KANSL1L: variants seen among roughly 807,000 people sequenced by gnomAD.
KANSL1L encodes the protein KAT8 regulatory NSL complex subunit 1 like, also known as KAT8 regulatory NSL complex subunit 1-like protein.
Under a neutral mutation model 108.6 loss-of-function variants are expected in KANSL1L, and 25 were observed. The ratio of observed to expected loss-of-function variants is 0.23; its 90% confidence interval spans 0.17 to 0.32. The LOEUF is 0.32. KANSL1L is among the 10% of genes least tolerant of loss of function. The probability of loss-of-function intolerance (pLI) is 1.00; values close to 1 mark genes in which losing one functional copy is unlikely to be tolerated. For synonymous variants in KANSL1L, 405 were observed against 395.1 expected, an observed-to-expected ratio of 1.03 and a Z score of -0.30; for missense variants, 1,137 against 1,125.7, an observed-to-expected ratio of 1.01 and a Z score of -0.14.
chr2:210,152,056 A>G (rs1239529417), intron 2 of KANSL1L: 2 of 152,172 alleles, frequency 1.3e-5, no homozygotes, highest in East Asian at 3.9e-4. Flanking sequence ...GGTTTGTTAT[A>G]CAGATTATTT....
chr2:210,154,123 C>G lies in KANSL1L; in HGVS notation c.460G>C (p.Asp154His). 1 of 1,613,950 alleles carries G rather than the reference C, an allele frequency of 6.2e-7. No individual in the cohort carries two copies. ...TTAGTGTCTTTGGTTATATTTGAAT[C>G]CAGAATAATTTGTACATCTTTCATG... is the stretch of plus-strand genomic sequence containing the variant. ...QCMKDVQIIL[D>H]SNITKDTNVD... Residue 154 changes from aspartate to histidine, a missense_variant, in exon 2 of 15, where the codon GAT (aspartate) becomes CAT (histidine). Asp to His is a moderately conservative substitution (Grantham distance 81). This residue lies in a region of KANSL1L where 556 missense variants were observed against 537.7 expected (regional missense o/e 1.03). Transcript: ENST00000281772.
chr2:210,041,754 T>C (rs568302093), intron 7 of KANSL1L, among the ~76,000 whole-genome samples: 31 of 152,272 alleles, frequency 2.0e-4, no homozygotes, highest in Admixed American at 7.2e-4. Flanking sequence ...GTCTGGATTT[T>C]AAACAGAAAA....
At chr2:210,078,850 A>G (rs2094560283) in intron 5 of KANSL1L, among the ~76,000 whole-genome samples, 1 of 152,246 alleles carries the variant, frequency 6.6e-6, no homozygotes, top group African/African-American at 2.4e-5. Context: ...TAGGAACCTA[A>G]TGATATCTGT....
intron 5 of KANSL1L, among the ~76,000 whole-genome samples, chr2:210,096,003 A>C (rs1363783588): frequency 6.6e-6 from 1 of 152,192 alleles, no homozygotes; most frequent in Non-Finnish European, 1.5e-5. Flanking sequence ...GTGAAGAACA[A>C]AATTTTTGTC....
chr2:210,104,385 T>C lies in KANSL1L; in HGVS notation c.1231-84A>G, dbSNP rs949607354. 23 of 883,972 alleles carry C rather than the reference T, an allele frequency of 2.6e-5. No individual in the cohort carries two copies. In the Admixed American group the frequency reaches 3.0e-4, roughly 11 times the overall value. 54.8% of individuals were successfully genotyped at this position (883,972 alleles called of 1,614,324 possible). Reference sequence around the variant, plus strand: ...TAATGCTACAATGCACTTGAATCTATGCTTCCACTTATCTCTTGGAATTCA... The same window carrying C: ...TAATGCTACAATGCACTTGAATCTACGCTTCCACTTATCTCTTGGAATTCA... On this transcript the variant is annotated intron_variant, in intron 3 of 14. Transcript: ENST00000281772.
intron 2 of KANSL1L, among the ~76,000 whole-genome samples, chr2:210,147,914 C>G (rs1423353818): frequency 6.6e-6 from 1 of 152,162 alleles, no homozygotes; most frequent in East Asian, 1.9e-4. Flanking sequence ...AGCACAAAAC[C>G]ATGAGTATTC....
intron 3 of KANSL1L, among the ~76,000 whole-genome samples, chr2:210,113,776 G>A (rs1314824752): frequency 6.6e-6 from 1 of 152,128 alleles, no homozygotes; most frequent in Non-Finnish European, 1.5e-5. Flanking sequence ...GAGCTGAAAA[G>A]TATAATAACT....
chr2:210,128,155 G>T (rs924623072), intron 3 of KANSL1L, among the ~76,000 whole-genome samples: 10 of 152,140 alleles, frequency 6.6e-5, no homozygotes, highest in Non-Finnish European at 1.5e-4. Context: ...CTTGTGTACT[G>T]CTGGTGGGAA....
At chr2:210,065,873 C>T (rs554686411) in intron 6 of KANSL1L, among the ~76,000 whole-genome samples, 1 of 152,244 alleles carries the variant, frequency 6.6e-6, no homozygotes, top group South Asian at 2.1e-4. Flanking sequence ...GGCATTTGAG[C>T]CACTGCACCC....
chr2:210,072,654 T>C (rs887025007), intron 6 of KANSL1L, among the ~76,000 whole-genome samples: 1 of 142,484 alleles, frequency 7.0e-6, no homozygotes, highest in Non-Finnish European at 1.5e-5. Flanking sequence ...AGGGTTTGAG[T>C]TCCCGTGAGT....
intron 3 of KANSL1L, among the ~76,000 whole-genome samples, chr2:210,111,304 A>G (rs1258110047): frequency 6.6e-6 from 1 of 152,144 alleles, no homozygotes; most frequent in African/African-American, 2.4e-5. Flanking sequence ...ATACTGCTCA[A>G]CAATAAAAAA....
chr2:210,172,752 G>T (rs1381670354), upstream of KANSL1L, among the ~76,000 whole-genome samples: 1 of 152,126 alleles, frequency 6.6e-6, no homozygotes, highest in Admixed American at 6.5e-5. Context: ...ATGCAAAAAT[G>T]AATAAAGTAT....
At chr2:210,102,276 T>C (rs186144186) in intron 4 of KANSL1L, among the ~76,000 whole-genome samples, 6 of 152,192 alleles carry the variant, frequency 3.9e-5, no homozygotes, top group Non-Finnish European at 5.9e-5. Flanking sequence ...TCTTTTGTGG[T>C]AACTGGATCC....
chr2:210,040,287 A>G, intron 8 of KANSL1L, 133 bp downstream of exon 8: 1 of 638,196 alleles, frequency 1.6e-6, no homozygotes, highest in Non-Finnish European at 2.8e-6. Flanking sequence ...CATGAGTTGT[A>G]AAAAGTGAGT....
chr2:210,033,820 G>A (rs1301675132), intron 8 of KANSL1L, among the ~76,000 whole-genome samples: 1 of 151,784 alleles, frequency 6.6e-6, no homozygotes, highest in Non-Finnish European at 1.5e-5. Flanking sequence ...TTACAGGCGT[G>A]AGCCACCGCG....
At chr2:210,131,674 G>A (rs1242207463) in intron 2 of KANSL1L, among the ~76,000 whole-genome samples, 1 of 151,116 alleles carries the variant, frequency 6.6e-6, no homozygotes, top group Non-Finnish European at 1.5e-5. Flanking sequence ...AAACCAAATC[G>A]CATCGGACGC....
intron 8 of KANSL1L, among the ~76,000 whole-genome samples, chr2:210,034,801 G>T (rs984928549): frequency 6.6e-6 from 1 of 152,186 alleles, no homozygotes; most frequent in African/African-American, 2.4e-5. Flanking sequence ...TGGCTTGCTT[G>T]TGTGGGTTAT....
intron 5 of KANSL1L, among the ~76,000 whole-genome samples, chr2:210,078,454 A>C (rs745770076): frequency 8.5e-5 from 13 of 152,226 alleles, no homozygotes; most frequent in Non-Finnish European, 1.6e-4. Context: ...CTTTCTAATT[A>C]ATAAGAATTC....
At chr2:210,093,366 G>C (rs1220801630) in intron 5 of KANSL1L, among the ~76,000 whole-genome samples, 7 of 152,142 alleles carry the variant, frequency 4.6e-5, no homozygotes, top group Non-Finnish European at 7.4e-5. Context: ...GGCTGGTCTT[G>C]AACTCGTGGC....
Sources: allele counts gnomAD v4.1 joint callset (sites outside exome capture counted in the v4.1 genomes callset), GRCh38; gene constraint gnomAD v4.1.1; regional missense constraint gnomAD v4.1.1; transcripts MANE v1.5; gene names NCBI Gene and HGNC (gene_info 2026-07-23, HGNC 2026-07-21).